ARHGEF12: variants seen among roughly 807,000 people sequenced by gnomAD.
ARHGEF12 encodes Rho guanine nucleotide exchange factor 12.
A neutral mutation model predicts 211.2 loss-of-function variants in ARHGEF12; 66 were observed. The observed-to-expected ratio is 0.31, with a 90% CI of 0.26 to 0.38. The LOEUF is 0.38. ARHGEF12 is among the 10% of genes least tolerant of loss of function. The probability of loss-of-function intolerance (pLI) is 1.00; values close to 1 mark genes in which losing one functional copy is unlikely to be tolerated. For missense variants in ARHGEF12, 1,429 were observed against 1,869.5 expected, an observed-to-expected ratio of 0.76 and a Z score of 4.34; for synonymous variants, 592 against 638.4, an observed-to-expected ratio of 0.93 and a Z score of 1.09.
intron 1 of ARHGEF12, among the ~76,000 whole-genome samples, chr11:120,369,437 T>A (rs535480270): frequency 8.5e-5 from 13 of 152,342 alleles, no homozygotes; most frequent in Middle Eastern, 3.4e-3. Flanking sequence ...CCAGATCTTT[T>A]GTTTTTAATT....
At chr11:120,365,563 G>A (rs1389676801) in intron 1 of ARHGEF12, 1 of 152,100 alleles carries the variant, frequency 6.6e-6, no homozygotes, top group East Asian at 1.9e-4. Context: ...ATTTAGTGAG[G>A]TCATTAACAA....
intron 1 of ARHGEF12, among the ~76,000 whole-genome samples, chr11:120,356,135 G>T (rs141343899): frequency 0.013 from 1,922 of 152,306 alleles, 30 homozygotes; most frequent in Non-Finnish European, 0.017. Flanking sequence ...CTTAAATCTT[G>T]TCAATATTTG....
At chr11:120,391,962 T>TA (rs1371646955) in intron 1 of ARHGEF12, among the ~76,000 whole-genome samples, 2 of 152,226 alleles carry the variant, frequency 1.3e-5, no homozygotes, top group Admixed American at 1.3e-4. Context: ...AGACTGTACT[T>TA]AACTTCCTTA....
At chr11:120,454,295 G>T (rs893717372) in intron 22 of ARHGEF12, among the ~76,000 whole-genome samples, 1 of 152,086 alleles carries the variant, frequency 6.6e-6, no homozygotes, top group African/African-American at 2.4e-5. Context: ...ATGACATAAA[G>T]AGAGAATACA....
At chr11:120,469,785 T>C (rs1485405445) in intron 30 of ARHGEF12, among the ~76,000 whole-genome samples, 1 of 152,246 alleles carries the variant, frequency 6.6e-6, no homozygotes, top group Non-Finnish European at 1.5e-5. Context: ...TTGTGATAGC[T>C]ACTATCAAGG....
intron 22 of ARHGEF12, among the ~76,000 whole-genome samples, chr11:120,453,018 C>CAA (rs370822027): frequency 0.025 from 3,726 of 147,032 alleles, 67 homozygotes; most frequent in Middle Eastern, 0.044. Context: ...AAAACAAAAA[C>CAA]AAAAAAAAAC....
At chr11:120,366,195 G>A (rs886597364) in intron 1 of ARHGEF12, among the ~76,000 whole-genome samples, 1 of 152,198 alleles carries the variant, frequency 6.6e-6, no homozygotes, top group African/African-American at 2.4e-5. Flanking sequence ...GTATCAGGCT[G>A]CAGTAAGCCA....
At chr11:120,384,954 G>A (rs1447000216) in intron 1 of ARHGEF12, among the ~76,000 whole-genome samples, 2 of 150,172 alleles carry the variant, frequency 1.3e-5, no homozygotes, top group African/African-American at 4.9e-5. Context: ...AACAACAACC[G>A]AATTTTAAGG....
intron 1 of ARHGEF12, among the ~76,000 whole-genome samples, chr11:120,381,233 T>C (rs1222235867): frequency 6.6e-6 from 1 of 152,188 alleles, no homozygotes. Flanking sequence ...TCTATATGTA[T>C]CAGTTGGCAT....
intron 2 of ARHGEF12, among the ~76,000 whole-genome samples, chr11:120,406,792 T>C (rs1944718451): frequency 6.6e-6 from 1 of 152,166 alleles, no homozygotes; most frequent in African/African-American, 2.4e-5. Flanking sequence ...TCTCCTGACC[T>C]CGTGATTCGC....
intron 30 of ARHGEF12, among the ~76,000 whole-genome samples, chr11:120,471,929 A>C (rs962104942): frequency 8.5e-5 from 13 of 152,226 alleles, no homozygotes; most frequent in African/African-American, 3.1e-4. Flanking sequence ...ACAAAGACAT[A>C]TATTTAAGTC....
chr11:120,404,958 C>A (rs1314690782), intron 1 of ARHGEF12, among the ~76,000 whole-genome samples: 1 of 152,114 alleles, frequency 6.6e-6, no homozygotes, highest in East Asian at 1.9e-4. Flanking sequence ...TCATCTTGTC[C>A]CAGAACCCCC....
intron 20 of ARHGEF12, 146 bp downstream of exon 20, chr11:120,448,494 A>C: frequency 3.2e-6 from 2 of 624,762 alleles, no homozygotes; most frequent in Non-Finnish European, 5.5e-6. Context: ...CTCTGTTCTC[A>C]AGAAACTCAA....
intron 3 of ARHGEF12, chr11:120,408,690 C>T (rs180872810): frequency 5.3e-5 from 8 of 151,934 alleles, no homozygotes; most frequent in Admixed American, 1.3e-4. Context: ...TTATCTAAGA[C>T]ATTTCATACT....
chr11:120,474,553 T>C lies in ARHGEF12; in HGVS notation c.3034-7T>C. The C allele has an allele frequency of 6.2e-7, 1 of 1,606,470 alleles. No individual in the cohort carries two copies. The highest frequency in any genetic ancestry group is 8.5e-7 in the Non-Finnish European group (1 of 1,176,582). On this transcript the variant is annotated splice_polypyrimidine_tract_variant and splice_region_variant and intron_variant, in intron 31 of 40. Transcript: ENST00000397843. ...TTATTTGTGCATGATTTTCTTTATTTTGCCAGAATTTGGATTTAACAAAAA... is the reference window on the plus strand; with the variant it reads ...TTATTTGTGCATGATTTTCTTTATTCTGCCAGAATTTGGATTTAACAAAAA...
intron 22 of ARHGEF12, among the ~76,000 whole-genome samples, chr11:120,453,813 C>T (rs1193975418): frequency 1.3e-5 from 2 of 152,168 alleles, no homozygotes; most frequent in Admixed American, 6.5e-5. Context: ...CCAGTCTGCT[C>T]ATTGGAACCC....
chr11:120,402,791 A>G (rs1245394363), intron 1 of ARHGEF12, among the ~76,000 whole-genome samples: 2 of 152,166 alleles, frequency 1.3e-5, no homozygotes, highest in Admixed American at 6.5e-5. Flanking sequence ...ACTGAAATCA[A>G]TAAAAGAAAA....
chr11:120,429,587 T>A, intron 9 of ARHGEF12, 70 bp downstream of exon 9: 1 of 1,577,510 alleles, frequency 6.3e-7, no homozygotes, highest in Non-Finnish European at 8.7e-7. Flanking sequence ...AGTTGGTGTT[T>A]ATCAGTCACA....
At chr11:120,450,474 A>G (rs1327892570) in intron 21 of ARHGEF12, 1 of 151,868 alleles carries the variant, frequency 6.6e-6, no homozygotes, top group Non-Finnish European at 1.5e-5. Context: ...CTCAAATGCC[A>G]TGAGTGCCTC....
Sources: gnomAD v4.1 joint callset for allele counts (sites outside exome capture counted in the v4.1 genomes callset) on GRCh38, gnomAD v4.1.1 for gene constraint, MANE v1.5 for transcripts, NCBI Gene and HGNC (gene_info 2026-07-23, HGNC 2026-07-21) for gene names.